Variants in SKI observed in about 807,000 individuals in gnomAD.
The protein encoded by SKI is ski oncogene.
In SKI, 23 loss-of-function variants were observed where a neutral mutation model predicts 59.3. The ratio of observed to expected loss-of-function variants is 0.39; its 90% CI spans 0.28 to 0.55. The LOEUF is 0.55. SKI is among the 20% of genes least tolerant of loss of function. SKI has a pLI of 0.67. For synonymous variants in SKI, 673 were observed against 488.6 expected, an observed-to-expected ratio of 1.38 and a Z score of -4.98; for missense variants, 1,017 against 1,038.9, an observed-to-expected ratio of 0.98 and a Z score of 0.29.
intron 1 of SKI, among the ~76,000 whole-genome samples, chr1:2,279,903 G>C (rs1211795986): frequency 6.6e-6 from 1 of 152,194 alleles, no homozygotes; most frequent in Non-Finnish European, 1.5e-5. Context: ...GAACTGGCCT[G>C]TGATGCGGTG....
intron 1 of SKI, among the ~76,000 whole-genome samples, chr1:2,285,300 G>C (rs1472435020): frequency 1.3e-5 from 2 of 152,096 alleles, no homozygotes; most frequent in Non-Finnish European, 2.9e-5. Context: ...ATCACCTGAG[G>C]TCAGGAGTTC....
In SKI at chr1:2,304,036, C is replaced by T. The variant is rs1640498166; in HGVS notation, c.1408C>T (p.Pro470Ser). The change falls in exon 4 of 7, where the codon CCC becomes TCC. Residue 470 changes from proline to serine, a missense_variant. Transcript: ENST00000378536. ...CCCAGGAGCCCCAGAGACGCTGGCG[C>T]CCGTGGCTGCCCCAGAGGAGGACAA... ...DTPGAPETLA[P>S]VAAPEEDKDS... 1.2e-6 allele frequency: 2 copies of T among 1,612,444 alleles called. No homozygotes were observed. Among genetic ancestry groups the T allele is most frequent in the Admixed American group, 1.7e-5 (1 of 59,994 alleles).
At position 2,259,262 on chromosome 1, in the gene SKI, A is replaced by G. The variant is rs943812930; in HGVS notation, c.969+29527A>G. 2.0e-5 allele frequency among the ~76,000 whole-genome samples: 3 copies of G among 152,212 alleles called. No homozygotes were observed. The East Asian group carries it at 5.8e-4, about 29-fold the overall frequency. On this transcript the variant is annotated intron_variant, in intron 1 of 6. Transcript: ENST00000378536. ...AGGCTGAGTAGGTGCGAGAGAGACC[A>G]TGTGGCCTACAAACCCAAAATATGT...
At position 2,228,775 on chromosome 1, in the gene SKI, G is replaced by A; in HGVS notation, c.9G>A (p.Ala3=). 2 of 1,280,530 alleles carry A rather than the reference G, an allele frequency of 1.6e-6. No homozygotes were observed. The highest frequency in any genetic ancestry group is 2.0e-6 in the Non-Finnish European group (2 of 998,898). 79.3% of individuals were successfully genotyped at this position (1,280,530 alleles called of 1,614,324 possible). A position where few individuals can be genotyped will look rare whatever the true frequency, so the allele number is the denominator to read the frequency against. Residue 3 remains alanine, a synonymous_variant, in exon 1 of 7, where the codon GCG becomes GCA. Transcript: ENST00000378536. ...GGGAGCCGGAGCGCACCATGGAGGC[G>A]GCGGCAGGCGGCCGCGGCTGTTTCC... ME[A]AAGGRGCFQP... is the part of the protein sequence containing the mutation.
rs1384938058 is a variant in SKI, at chr1:2,306,794, G to A, written c.*29G>A. The A allele has an allele frequency of 1.4e-6, 2 of 1,463,670 alleles. No individual in the cohort carries two copies. The highest frequency in any genetic ancestry group is 9.0e-7 in the Non-Finnish European group (1 of 1,109,800). 90.7% of individuals were successfully genotyped at this position (1,463,670 alleles called of 1,614,324 possible). On this transcript the variant is annotated 3_prime_UTR_variant, in exon 7 of 7. Coordinates refer to ENST00000378536, the MANE Select transcript of SKI (RefSeq NM_003036.4). The stretch of plus-strand genomic sequence containing the variant: ...CCGTGCCTGCCGCCGCAGCGCCGCC[G>A]ACAACGCGGGTGCAGGGGGGCGCGG...
At position 2,303,468 on chromosome 1, in the gene SKI, C is replaced by T. The variant is rs913915419; in HGVS notation, c.1211+68C>T. 43 of 1,372,638 alleles carry T rather than the reference C, an allele frequency of 3.1e-5. No homozygotes were observed. In the Middle Eastern group the frequency reaches 5.6e-4, roughly 18 times the overall value. 85.0% of individuals were successfully genotyped at this position (1,372,638 alleles called of 1,614,324 possible). On this transcript the variant is annotated intron_variant, in intron 3 of 6. Coordinates refer to ENST00000378536, the MANE Select transcript of SKI (RefSeq NM_003036.4). This position sits in a 1 kb window ranked among gnomAD's most constrained non-coding sequence, Gnocchi z 5.6. ...GCTCCACGAGGGCTGTGCATGCGGACGCGCCCATGTTTCTGCAGGCTGGGT... is the reference window on the plus strand; with the variant it reads ...GCTCCACGAGGGCTGTGCATGCGGATGCGCCCATGTTTCTGCAGGCTGGGT...
chr1:2,228,631 G>C lies in SKI; in HGVS notation c.-136G>C, dbSNP rs1557805977. On this transcript the variant is annotated 5_prime_UTR_variant, in exon 1 of 7. It removes the in-frame stop codon of an upstream open reading frame in the 5' UTR. Transcript: ENST00000378536. Reference sequence around the variant, plus strand: ...CGCCCCCGGGCGAGGCCGCGGCCGTGATCGGCCGTGAGCCGGCGGCGGGGG... The same window carrying C: ...CGCCCCCGGGCGAGGCCGCGGCCGTCATCGGCCGTGAGCCGGCGGCGGGGG... 7.8e-6 allele frequency: 2 copies of C among 257,990 alleles called. No individual in the cohort carries two copies. Among genetic ancestry groups the C allele is most frequent in the Non-Finnish European group, 1.2e-5 (2 of 169,400 alleles). 16.0% of individuals were successfully genotyped at this position (257,990 alleles called of 1,614,324 possible).
chr1:2,262,688 T>C (rs754215316), intron 1 of SKI, among the ~76,000 whole-genome samples: 33 of 152,312 alleles, frequency 2.2e-4, no homozygotes, highest in Admixed American at 4.6e-4. Flanking sequence ...ATACGGTTCC[T>C]AGTTTGATCA....
At chr1:2,240,168 G>A (rs559988117) in intron 1 of SKI, among the ~76,000 whole-genome samples, 3 of 152,330 alleles carry the variant, frequency 2.0e-5, no homozygotes, top group Non-Finnish European at 4.4e-5. Context: ...CCGCAGGGTG[G>A]CCCCCACCAC....
Position 2,303,763 on chromosome 1 carries a change from A to AG in SKI, c.1212-72dup. On this transcript the variant is annotated intron_variant, in intron 3 of 6. Transcript: ENST00000378536. This position sits in a 1 kb window ranked among gnomAD's most constrained non-coding sequence, Gnocchi z 5.6. Reference sequence around the variant, plus strand: ...AGTCTTTCCTGTTTAACACCTTCAGAGGGGGTGTGCGCCAGGATGTGTCTG... The same window carrying AG: ...AGTCTTTCCTGTTTAACACCTTCAGAGGGGGGTGTGCGCCAGGATGTGTCTG... 1.9e-6 allele frequency: 3 copies of AG among 1,557,814 alleles called. No individual in the cohort carries two copies. The highest frequency in any genetic ancestry group is 2.6e-6 in the Non-Finnish European group (3 of 1,142,674).
rs1640487381 is a variant in SKI, at chr1:2,303,757, C to T, written c.1212-83C>T. 10 of 1,547,896 alleles carry T rather than the reference C, an allele frequency of 6.5e-6. No individual in the cohort carries two copies. The highest frequency in any genetic ancestry group is 5.8e-5 in the South Asian group (5 of 86,114). On this transcript the variant is annotated intron_variant, in intron 3 of 6. Transcript: ENST00000378536. This position sits in a 1 kb window ranked among gnomAD's most constrained non-coding sequence, Gnocchi z 5.6. The stretch of plus-strand genomic sequence containing the variant: ...TGGGAAAGTCTTTCCTGTTTAACAC[C>T]TTCAGAGGGGGTGTGCGCCAGGATG...
chr1:2,243,136 G>A (rs1023083688), intron 1 of SKI, among the ~76,000 whole-genome samples: 1 of 152,260 alleles, frequency 6.6e-6, no homozygotes, highest in African/African-American at 2.4e-5. Context: ...GGCCAGCCCT[G>A]TGGTATTTTG....
At chr1:2,273,441 C>G (rs1405563346) in intron 1 of SKI, among the ~76,000 whole-genome samples, 2 of 152,168 alleles carry the variant, frequency 1.3e-5, no homozygotes, top group Admixed American at 1.3e-4. Context: ...GACTTCTCAG[C>G]TTGGCATGGG....
intron 1 of SKI, among the ~76,000 whole-genome samples, chr1:2,231,421 G>C (rs1465843706): frequency 1.3e-5 from 2 of 152,186 alleles, no homozygotes; most frequent in African/African-American, 2.4e-5. Flanking sequence ...CCTGGGCTTT[G>C]CTGGGGGCCC....
intron 1 of SKI, among the ~76,000 whole-genome samples, chr1:2,252,098 G>A (rs116635876): frequency 1.4e-3 from 211 of 152,348 alleles, no homozygotes; most frequent in African/African-American, 4.8e-3. Flanking sequence ...GCACCCCCCG[G>A]TGAGAGATCT....
rs766569890 is a variant in SKI at position 2,228,954 on chromosome 1, C to T, written c.188C>T (p.Pro63Leu). 8 of 1,404,696 alleles carry T rather than the reference C, an allele frequency of 5.7e-6. No individual in the cohort carries two copies. Among genetic ancestry groups the T allele is most frequent in the African/African-American group, 4.5e-5 (3 of 66,112 alleles). 87.0% of individuals were successfully genotyped at this position (1,404,696 alleles called of 1,614,324 possible). ...GCGGGCGCGGCCGCGGTGCCGGCGC[C>T]GGTGCCCGCAGCCACCGAGCCGCCG... ...KEAGAAAVPA[P>L]VPAATEPPPV... The change falls in exon 1 of 7, where the codon CCG (proline) becomes CTG (leucine). Residue 63 changes from proline to leucine, a missense_variant. Transcript: ENST00000378536.
At chr1:2,249,716 G>A (rs1219179321) in intron 1 of SKI, among the ~76,000 whole-genome samples, 5 of 152,330 alleles carry the variant, frequency 3.3e-5, no homozygotes, top group South Asian at 2.1e-4. Flanking sequence ...CTCACTGGCC[G>A]CGGCCTCATG....
rs1037662754 is a variant in SKI, at chr1:2,228,333, C to G, written c.-434C>G. Among the ~76,000 whole-genome samples, 6 of 142,824 alleles carry G rather than the reference C, an allele frequency of 4.2e-5. No individual in the cohort carries two copies. Among genetic ancestry groups the G allele is most frequent in the African/African-American group, 1.5e-4 (6 of 39,890 alleles). 93.7% of individuals were successfully genotyped at this position (142,824 alleles called of 152,430 possible). ...CCCGCGCCCCCGCTCCTCCCGGGCC[C>G]CTCGGCCTCGGCCGCCGCGGCGATT... On this transcript the variant is annotated 5_prime_UTR_variant, in exon 1 of 7. Coordinates refer to ENST00000378536, the MANE Select transcript of SKI (RefSeq NM_003036.4).
chr1:2,231,077 C>T (rs1029263004), intron 1 of SKI, among the ~76,000 whole-genome samples: 5 of 152,214 alleles, frequency 3.3e-5, no homozygotes, highest in Admixed American at 1.3e-4. Context: ...CGTGGCAGAG[C>T]TGCAGACAGA....
Sources: allele counts gnomAD v4.1 joint callset (sites outside exome capture counted in the v4.1 genomes callset), GRCh38; gene constraint gnomAD v4.1.1; non-coding constraint Gnocchi (gnomAD v3.1); transcripts MANE v1.5; gene names NCBI Gene and HGNC (gene_info 2026-07-23, HGNC 2026-07-21).